The following RBFOX1 variants were observed in gnomAD, a reference collection of about 807,000 sequenced individuals.
The protein encoded by RBFOX1 is RNA binding fox-1 homolog 1.
Under a neutral mutation model 57.7 loss-of-function variants are expected in RBFOX1, and 8 were observed. The ratio of observed to expected loss-of-function variants is 0.14; its 90% CI spans 0.08 to 0.25. The LOEUF is 0.25. Ranked by LOEUF, RBFOX1 falls within the 10% of genes least tolerant of loss-of-function variation. The pLI is 1.00. For synonymous variants in RBFOX1, 326 were observed against 222.4 expected (o/e 1.47, Z -4.15); for missense variants, 611 against 548.5 (o/e 1.11, Z -1.14).
chr16:5,612,237 T>C (rs2047848403), intron 3 of RBFOX1, among the ~76,000 whole-genome samples: 1 of 125,282 alleles, frequency 8.0e-6, no homozygotes, highest in African/African-American at 3.0e-5. Context: ...ATTCATCTAC[T>C]CTCCCATCAG....
intron 14 of RBFOX1, chr16:7,693,234 A>G (rs2077767660): frequency 1.7e-6 from 2 of 1,191,570 alleles, no homozygotes; most frequent in Non-Finnish European, 2.5e-6. Flanking sequence ...CCCTCCCCTC[A>G]TCTGTACACA....
intron 4 of RBFOX1, among the ~76,000 whole-genome samples, chr16:7,168,047 A>T (rs987846703): frequency 3.3e-5 from 5 of 152,204 alleles, no homozygotes; most frequent in African/African-American, 1.2e-4. Context: ...TTTCCTCCTT[A>T]GAGGAAAAAC....
chr16:6,269,175 G>C (rs2074913615), intron 1 of RBFOX1, among the ~76,000 whole-genome samples: 1 of 152,142 alleles, frequency 6.6e-6, no homozygotes, highest in Non-Finnish European at 1.5e-5. Context: ...TCAAAATTAT[G>C]CTGTATGCTT....
chr16:7,186,301 T>C lies in RBFOX1; in HGVS notation c.27+134203T>C, dbSNP rs1460685112. Among the ~76,000 whole-genome samples the C allele has an allele frequency of 8.9e-5, 9 of 101,342 alleles. No individual in the cohort carries two copies. The East Asian group carries it at 2.5e-3, about 29-fold the overall frequency. 66.5% of individuals were successfully genotyped at this position (101,342 alleles called of 152,430 possible). A position where few individuals can be genotyped will look rare whatever the true frequency, so the allele number is the denominator to read the frequency against. On this transcript the variant is annotated intron_variant, in intron 4 of 15. Transcript: ENST00000550418. ...AAACATATTTATATAAATATAAACA[T>C]AAACATATTTATATAAATATAAACA...
chr16:6,678,154 C>G (rs552138630), intron 3 of RBFOX1, among the ~76,000 whole-genome samples: 4 of 152,186 alleles, frequency 2.6e-5, no homozygotes, highest in African/African-American at 9.7e-5. Context: ...GACGGAGTCT[C>G]GCTCTGTCGC....
At chr16:6,654,824 C>G (rs945547475) in intron 3 of RBFOX1, among the ~76,000 whole-genome samples, 174 bp downstream of exon 3, 3 of 152,098 alleles carry the variant, frequency 2.0e-5, no homozygotes, top group Non-Finnish European at 4.4e-5. Context: ...CCTTTACAAT[C>G]TGTGTTACTT....
At chr16:6,954,892 A>G (rs1164426728) in intron 3 of RBFOX1, among the ~76,000 whole-genome samples, 1 of 152,158 alleles carries the variant, frequency 6.6e-6, no homozygotes, top group Non-Finnish European at 1.5e-5. Context: ...CCTCAAATAA[A>G]GAAAGGTAAT....
At position 5,717,441 on chromosome 16, in the gene RBFOX1, G is replaced by T. The variant is rs191847155; in HGVS notation, c.318+118480G>T. ...TTTAATGGTAATTTCTGAGATTTTG[G>T]TGCACCCATCACCCAAGCAGTGTGC... On this transcript the variant is annotated intron_variant, in intron 3 of 19. Coordinates refer to the RBFOX1 transcript ENST00000641259. Among the ~76,000 whole-genome samples the T allele has an allele frequency of 1.2e-4, 19 of 152,072 alleles. No homozygotes were observed. The East Asian group carries it at 3.7e-3, about 29-fold the overall frequency.
chr16:5,953,727 A>ATATATATAT (rs369925781), intron 4 of RBFOX1, among the ~76,000 whole-genome samples: 1,388 of 108,870 alleles, frequency 0.013, 12 homozygotes, highest in Non-Finnish European at 0.015. Context: ...TATATATATA[A>ATATATATAT]AAAACACATT....
Position 6,343,576 on chromosome 16 carries a change from AAAC to A in RBFOX1, c.-64+26528_-64+26530del, listed in dbSNP as rs369776421. Among the ~76,000 whole-genome samples the A allele has an allele frequency of 7.2e-4, 109 of 152,348 alleles. 1 individual carries two copies. The East Asian group carries it at 0.019, about 26-fold the overall frequency. ...ATTTCTTATGGATTATCTTTGCCACAAACAACAACAATAATAACCAAAACAAAA... is the reference window on the plus strand; with the variant it reads ...ATTTCTTATGGATTATCTTTGCCACAAACAACAATAATAACCAAAACAAAA... On this transcript the variant is annotated intron_variant, in intron 2 of 15. Coordinates refer to ENST00000550418, the MANE Select transcript of RBFOX1 (RefSeq NM_018723.4).
At chr16:5,597,864 C>A (rs188499401) in intron 2 of RBFOX1, among the ~76,000 whole-genome samples, 1 of 152,164 alleles carries the variant, frequency 6.6e-6, no homozygotes, top group Admixed American at 6.5e-5. Flanking sequence ...AGCTGAGGCT[C>A]CACTGCAACC....
chr16:7,350,703 C>A (rs1364294426), intron 4 of RBFOX1, among the ~76,000 whole-genome samples: 1 of 152,172 alleles, frequency 6.6e-6, no homozygotes, highest in East Asian at 1.9e-4. Flanking sequence ...GCTGCCATTT[C>A]TTTGATCTTC....
intron 3 of RBFOX1, among the ~76,000 whole-genome samples, chr16:6,692,247 T>A (rs918178528): frequency 6.6e-6 from 1 of 152,160 alleles, no homozygotes; most frequent in African/African-American, 2.4e-5. Flanking sequence ...CCCTGTAAGA[T>A]CACCCAGGGA....
intron 3 of RBFOX1, among the ~76,000 whole-genome samples, chr16:6,909,389 A>G (rs2070957843): frequency 6.6e-6 from 1 of 152,120 alleles, no homozygotes; most frequent in East Asian, 1.9e-4. Flanking sequence ...CAACTCTTCC[A>G]TTTCAAGATC....
At chr16:6,307,308 G>A (rs981379185) in intron 1 of RBFOX1, among the ~76,000 whole-genome samples, 3 of 152,024 alleles carry the variant, frequency 2.0e-5, no homozygotes, top group African/African-American at 4.8e-5. Flanking sequence ...GTGTGAACCC[G>A]GGAGGCGGAG....
chr16:6,017,821 C>G (rs74406130), upstream of RBFOX1, among the ~76,000 whole-genome samples: 142 of 152,266 alleles, frequency 9.3e-4, no homozygotes, highest in African/African-American at 3.1e-3. Flanking sequence ...ACACGTACAT[C>G]TAGTACAAAG....
chr16:5,879,768 C>A (rs1323014182), intron 4 of RBFOX1, among the ~76,000 whole-genome samples: 1 of 152,208 alleles, frequency 6.6e-6, no homozygotes, highest in Admixed American at 6.5e-5. Flanking sequence ...GGGGGTGGCT[C>A]TATCCATCTG....
chr16:6,985,170 A>G (rs1033899493), intron 3 of RBFOX1, among the ~76,000 whole-genome samples: 2 of 151,840 alleles, frequency 1.3e-5, no homozygotes, highest in South Asian at 2.1e-4. Context: ...GTAGCATAGT[A>G]TGGTTTAAAA....
intron 1 of RBFOX1, chr16:5,366,690 A>C (rs761562085): frequency 4.8e-6 from 2 of 416,470 alleles, no homozygotes; most frequent in Non-Finnish European, 9.2e-6. Context: ...AGTCTCTTTA[A>C]GAAAATCATT....
Sources: allele counts gnomAD v4.1 joint callset (sites outside exome capture counted in the v4.1 genomes callset), GRCh38; gene constraint gnomAD v4.1.1; transcripts MANE v1.5; gene names NCBI Gene and HGNC (gene_info 2026-07-23, HGNC 2026-07-21).